SLC2A12: variants seen among roughly 807,000 people sequenced by gnomAD.
SLC2A12 encodes the protein solute carrier family 2, facilitated glucose transporter member 12.
Under a neutral mutation model 41.8 loss-of-function variants are expected in SLC2A12, and 23 were observed. The observed-to-expected ratio is 0.55, with a 90% CI of 0.40 to 0.78. The LOEUF is 0.78. Ranked by LOEUF, SLC2A12 falls within the 30% of genes least tolerant of loss-of-function variation. The pLI, the probability that SLC2A12 is intolerant of heterozygous loss-of-function variation, is 0.00. For synonymous variants in SLC2A12, 295 were observed against 285.9 expected, an observed-to-expected ratio of 1.03 and a Z score of -0.32; for missense variants, 654 against 745.6, an observed-to-expected ratio of 0.88 and a Z score of 1.43.
chr6:134,039,635 A>T (rs1406048256), intron 1 of SLC2A12, among the ~76,000 whole-genome samples: 3 of 152,154 alleles, frequency 2.0e-5, no homozygotes, highest in Non-Finnish European at 4.4e-5. Flanking sequence ...TTTTAATCAC[A>T]ATTGATGTCC....
chr6:134,014,540 ATGT>A (rs1194645173), intron 2 of SLC2A12, among the ~76,000 whole-genome samples: 1 of 152,206 alleles, frequency 6.6e-6, no homozygotes, highest in Non-Finnish European at 1.5e-5. Context: ...ATCATATTTG[ATGT>A]TGTACATTTT....
chr6:134,016,744 TG>T (rs2114451744), intron 2 of SLC2A12, among the ~76,000 whole-genome samples: 2 of 152,352 alleles, frequency 1.3e-5, no homozygotes, highest in East Asian at 3.9e-4. Flanking sequence ...ATCAACAGTT[TG>T]ATTACTTGTG....
chr6:134,002,564 T>C (rs1269741723), intron 3 of SLC2A12, among the ~76,000 whole-genome samples: 1 of 152,166 alleles, frequency 6.6e-6, no homozygotes, highest in Non-Finnish European at 1.5e-5. Context: ...TTCTGTTCGG[T>C]GGACAATTTT....
intron 1 of SLC2A12, among the ~76,000 whole-genome samples, chr6:134,050,055 C>A (rs1028743066): frequency 7.2e-5 from 11 of 152,184 alleles, no homozygotes; most frequent in African/African-American, 2.6e-4. Context: ...TATGAAGAAG[C>A]CAAAAGGAGT....
rs1777143612 is a variant in SLC2A12, at chr6:134,028,411, C to T, written c.1414G>A (p.Val472Ile). ...CCTAGACCAATTGAAAAAGCAGCAA[C>T]ATAAACAAGCAAGCTGGCTAAGGAC... ...WLSLASLLVYVAAFSIGLGPM... is the reference protein window; with the variant it reads ...WLSLASLLVYIAAFSIGLGPM... The change falls in exon 2 of 5, where the codon GTT becomes ATT. Residue 472 changes from valine to isoleucine, a missense_variant. Physicochemically the swap from Val to Ile is conservative, Grantham distance 29. Transcript: ENST00000275230. 6.2e-7 allele frequency: 1 copy of T among 1,613,372 alleles called. No homozygotes were observed.
At chr6:134,050,880 G>A (rs912073203) in intron 1 of SLC2A12, among the ~76,000 whole-genome samples, 1 of 152,016 alleles carries the variant, frequency 6.6e-6, no homozygotes, top group African/African-American at 2.4e-5. Context: ...CTTCTGCATA[G>A]GAGAGGACAG....
chr6:134,035,440 A>T (rs1457966755), intron 1 of SLC2A12, among the ~76,000 whole-genome samples: 1 of 152,054 alleles, frequency 6.6e-6, no homozygotes, highest in Non-Finnish European at 1.5e-5. Context: ...AGGCCCAAAA[A>T]ATCTGGACAG....
At chr6:133,997,287 A>T (rs186046933) in intron 4 of SLC2A12, among the ~76,000 whole-genome samples, 1 of 152,052 alleles carries the variant, frequency 6.6e-6, no homozygotes, top group East Asian at 1.9e-4. Flanking sequence ...CATGTGACGC[A>T]GCAATCTTAT....
intron 1 of SLC2A12, among the ~76,000 whole-genome samples, chr6:134,043,816 A>G (rs1777418858): frequency 6.6e-6 from 1 of 151,690 alleles, no homozygotes; most frequent in South Asian, 2.1e-4. Context: ...AAAGAAAAGA[A>G]ATTTTCTTGA....
At chr6:134,045,822 G>A (rs923137822) in intron 1 of SLC2A12, among the ~76,000 whole-genome samples, 8 of 152,194 alleles carry the variant, frequency 5.3e-5, no homozygotes, top group Non-Finnish European at 7.3e-5. Context: ...CTTTGAAACA[G>A]TCTTTTACTG....
chr6:134,038,437 C>G (rs1036022472), intron 1 of SLC2A12, among the ~76,000 whole-genome samples: 2 of 139,634 alleles, frequency 1.4e-5, no homozygotes, highest in East Asian at 4.7e-4. Flanking sequence ...TCTCGGCTCA[C>G]TGCAACCTCT....
intron 2 of SLC2A12, among the ~76,000 whole-genome samples, chr6:134,012,887 C>CT (rs1398719293): frequency 6.6e-6 from 1 of 152,156 alleles, no homozygotes; most frequent in Non-Finnish European, 1.5e-5. Context: ...AGGACGATGG[C>CT]TTGAACCCAG....
chr6:134,015,223 A>C (rs1776939904), intron 2 of SLC2A12, among the ~76,000 whole-genome samples: 1 of 152,228 alleles, frequency 6.6e-6, no homozygotes, highest in Non-Finnish European at 1.5e-5. Flanking sequence ...TAATGGCTAC[A>C]TTTAATAACA....
chr6:133,998,340 C>A (rs1217068308), intron 4 of SLC2A12, among the ~76,000 whole-genome samples: 2 of 152,186 alleles, frequency 1.3e-5, no homozygotes, highest in East Asian at 3.9e-4. Flanking sequence ...AATCTGGCAA[C>A]CCTATATGAA....
At chr6:134,011,319 G>A (rs912271154) in intron 2 of SLC2A12, among the ~76,000 whole-genome samples, 1 of 152,046 alleles carries the variant, frequency 6.6e-6, no homozygotes, top group African/African-American at 2.4e-5. Flanking sequence ...GAAAAATTGG[G>A]TTCTTTAAAA....
chr6:134,037,605 G>A (rs1333948341), intron 1 of SLC2A12, among the ~76,000 whole-genome samples: 3 of 152,010 alleles, frequency 2.0e-5, no homozygotes, highest in Non-Finnish European at 4.4e-5. Flanking sequence ...TGCCTGTCTC[G>A]GCATCCCAAA....
chr6:134,022,550 AAAG>A (rs963977968), intron 2 of SLC2A12, among the ~76,000 whole-genome samples: 3 of 52,662 alleles, frequency 5.7e-5, no homozygotes, highest in Non-Finnish European at 1.1e-4. Flanking sequence ...AAAGAAAAGA[AAAG>A]AAAAGAAAAG....
intron 2 of SLC2A12, among the ~76,000 whole-genome samples, chr6:134,017,149 A>G (rs1489508879): frequency 6.6e-6 from 1 of 152,152 alleles, no homozygotes; most frequent in African/African-American, 2.4e-5. Context: ...AACACTGTAC[A>G]TTTTTTTAAA....
intron 1 of SLC2A12, among the ~76,000 whole-genome samples, chr6:134,033,594 A>G (rs532926545): frequency 1.3e-5 from 2 of 152,294 alleles, no homozygotes; most frequent in South Asian, 4.1e-4. Context: ...CTGGGAGGCC[A>G]GACTGAGTGA....
Sources: gnomAD v4.1 joint callset for allele counts (sites outside exome capture counted in the v4.1 genomes callset) on GRCh38, gnomAD v4.1.1 for gene constraint, MANE v1.5 for transcripts, NCBI Gene and HGNC (gene_info 2026-07-23, HGNC 2026-07-21) for gene names.